RCC2: variants seen among roughly 807,000 people sequenced by gnomAD.
RCC2 encodes the protein regulator of chromosome condensation 2, also known as protein RCC2.
RCC2 carries 19 observed loss-of-function variants against 64.1 expected under a neutral mutation model. The ratio of observed to expected loss-of-function variants is 0.30; its 90% CI spans 0.21 to 0.44. The LOEUF (loss-of-function observed/expected upper bound fraction) is 0.44. Among genes scored for constraint, RCC2 ranks in the 20% least tolerant of loss-of-function variants. The probability of loss-of-function intolerance (pLI) is 1.00; values close to 1 mark genes in which losing one functional copy is unlikely to be tolerated. For missense variants in RCC2, 508 were observed against 710.4 expected (o/e 0.72, Z 3.24); for synonymous variants, 325 against 279.6 (o/e 1.16, Z -1.62).
At chr1:17,416,406 G>A (rs529598397) in intron 8 of RCC2, 74 bp downstream of exon 8, 43 of 1,492,818 alleles carry the variant, frequency 2.9e-5, no homozygotes, top group African/African-American at 1.8e-4. Context: ...AAAGCCAAGC[G>A]TCAGGAAACT....
chr1:17,417,554 G>A (rs2075501556), intron 7 of RCC2, among the ~76,000 whole-genome samples: 1 of 152,142 alleles, frequency 6.6e-6, no homozygotes, highest in African/African-American at 2.4e-5. Context: ...GTGGTGGTGG[G>A]TGCCTATAGT....
chr1:17,414,529 C>CA (rs58627304), intron 8 of RCC2, among the ~76,000 whole-genome samples: 2,293 of 34,464 alleles, frequency 0.067, 52 homozygotes, highest in South Asian at 0.15. Context: ...GACTCCATCT[C>CA]AAAAAAAAAA....
At chr1:17,437,694 G>A (rs2075751795) in intron 2 of RCC2, among the ~76,000 whole-genome samples, 2 of 1,146 alleles carry the variant, frequency 1.7e-3, no homozygotes, top group Admixed American at 0.01. Flanking sequence ...CGGCCGTCAG[G>A]CCCCGCCCCC....
Position 17,420,807 on chromosome 1 carries a change from T to C in RCC2, c.766A>G (p.Ile256Val), listed in dbSNP as rs748353564. The C allele has an allele frequency of 3.7e-6, 6 of 1,608,592 alleles. No homozygotes were observed. The highest frequency in any genetic ancestry group is 2.7e-5 in the African/African-American group (2 of 74,556). The part of the protein sequence containing the change: ...PAQIMYNGQP[I>V]TKMACGAEFS... Reference sequence around the variant, plus strand: ...TCAGCCCCACAGGCCATTTTGGTAATTGGCTGGCCGTTGTACATTATCTGA... The same window carrying C: ...TCAGCCCCACAGGCCATTTTGGTAACTGGCTGGCCGTTGTACATTATCTGA... Residue 256 changes from isoleucine (I) to valine (V), a missense_variant, in exon 7 of 13, where the codon ATT (isoleucine) becomes GTT (valine). Ile to Val is a conservative substitution (Grantham distance 29). Around this residue, in one of 4 missense-constraint regions of RCC2, gnomAD observed 132 missense variants for 207.3 expected, o/e 0.64. Transcript: ENST00000375436.
rs554058168 is a variant in RCC2, at chr1:17,416,588, T to C, written c.918A>G (p.Glu306=). ...AGATGGCCACTCGCCGGGGAACTAG[T>C]TCACAGTCGTACTCTATCCGCTGTG... The part of the protein sequence containing the change: ...ARAQRIEYDC[E]LVPRRVAIFI... The change falls in exon 8 of 13, where the codon GAA becomes GAG. Residue 306 remains glutamate, a synonymous_variant. Transcript: ENST00000375436. 99 of 1,614,046 alleles carry C rather than the reference T, an allele frequency of 6.1e-5. 1 individual carries two copies. Among genetic ancestry groups the C allele is most frequent in the Admixed American group, 2.3e-4 (14 of 60,016 alleles).
chr1:17,413,280 T>A, intron 9 of RCC2, 102 bp from the exon 10 acceptor site: 1 of 950,050 alleles, frequency 1.1e-6, no homozygotes, highest in Non-Finnish European at 1.7e-6. Context: ...GGCAAACAAG[T>A]GTTCTGTCTA....
rs1268663813 is a variant in RCC2, at chr1:17,408,640, C to A, written c.*450G>T. The stretch of plus-strand genomic sequence containing the variant: ...TGGATGGAGGCGGGCCGGTGACTGC[C>A]TAGCTGCTGCCGGTTCCTGTAAGGG... On this transcript the variant is annotated 3_prime_UTR_variant, in exon 13 of 13. Transcript: ENST00000375436. 1 of 162,592 alleles carries A rather than the reference C, an allele frequency of 6.2e-6. No homozygotes were observed. The highest frequency in any genetic ancestry group is 1.7e-4 in the South Asian group (1 of 5,872). 10.1% of individuals were successfully genotyped at this position (162,592 alleles called of 1,614,324 possible). A position where few individuals can be genotyped will look rare whatever the true frequency, so the allele number is the denominator to read the frequency against.
chr1:17,432,983 GA>G (rs892256844), intron 2 of RCC2, among the ~76,000 whole-genome samples: 1 of 150,016 alleles, frequency 6.7e-6, no homozygotes, highest in Non-Finnish European at 1.5e-5. Flanking sequence ...AAAAGAAAAA[GA>G]AAAAAATATA....
chr1:17,438,729 G>C (rs1270319774), intron 1 of RCC2, among the ~76,000 whole-genome samples: 1 of 152,024 alleles, frequency 6.6e-6, no homozygotes, highest in Non-Finnish European at 1.5e-5. Flanking sequence ...GAATCCCGCA[G>C]GGCAGCCGGG....
At position 17,412,172 on chromosome 1, in the gene RCC2, C is replaced by T; in HGVS notation, c.1336G>A (p.Ala446Thr). The T allele has an allele frequency of 1.2e-6, 2 of 1,614,094 alleles. No individual in the cohort carries two copies. The highest frequency in any genetic ancestry group is 1.1e-5 in the South Asian group (1 of 91,054). Reference protein sequence around the residue: ...ACGKSSIIVAADESTISWGPS... With the variant: ...ACGKSSIIVATDESTISWGPS... ...CCCCAGCTGATGGTGCTCTCATCGG[C>T]GGCCACAATGATGCTGCTCTTCCTG... The change falls in exon 11 of 13, where the codon GCC becomes ACC. Residue 446 changes from alanine (A) to threonine (T), a missense_variant. Physicochemically the swap from Ala to Thr is moderately conservative, Grantham distance 58. This residue lies in a region of RCC2 where 179 missense variants were observed against 322.0 expected (regional missense o/e 0.56). Transcript: ENST00000375436.
intron 8 of RCC2, among the ~76,000 whole-genome samples, chr1:17,414,277 C>A (rs561958926): frequency 6.6e-6 from 1 of 152,208 alleles, no homozygotes; most frequent in South Asian, 2.1e-4. Flanking sequence ...TGCCTGTAAT[C>A]CTAGCACGTT....
intron 2 of RCC2, among the ~76,000 whole-genome samples, chr1:17,429,495 G>GCC (rs1424447263): frequency 6.6e-6 from 1 of 151,974 alleles, no homozygotes; most frequent in Non-Finnish European, 1.5e-5. Flanking sequence ...CCAAATACAT[G>GCC]CCTCCTTCGC....
rs541787761 is a variant in RCC2, at chr1:17,408,885, A to T, written c.*205T>A. ...AAGTATTTTAATTCAACATTAAGGG[A>T]AAAAAAAGGACTTTGGAAAGCATAC... On this transcript the variant is annotated 3_prime_UTR_variant, in exon 13 of 13. Transcript: ENST00000375436. 8.0e-6 allele frequency: 4 copies of T among 499,542 alleles called. No individual in the cohort carries two copies. The highest frequency in any genetic ancestry group is 1.4e-5 in the Non-Finnish European group (4 of 278,768). 30.9% of individuals were successfully genotyped at this position (499,542 alleles called of 1,614,324 possible). A position where few individuals can be genotyped will look rare whatever the true frequency, so the allele number is the denominator to read the frequency against.
chr1:17,426,238 T>G (rs2075614986), intron 3 of RCC2, among the ~76,000 whole-genome samples: 1 of 151,884 alleles, frequency 6.6e-6, no homozygotes, highest in Non-Finnish European at 1.5e-5. Flanking sequence ...TTCTGAGGGG[T>G]GACCCGAGTG....
chr1:17,422,363 G>A lies in RCC2; in HGVS notation c.656-72C>T, dbSNP rs954567120. ...TTTTGAACTAGATTTAGAATCAAAGGCATCAAAATAATAAAAACAGCTCAT... is the reference window on the plus strand; with the variant it reads ...TTTTGAACTAGATTTAGAATCAAAGACATCAAAATAATAAAAACAGCTCAT... On this transcript the variant is annotated intron_variant, in intron 5 of 12. Coordinates refer to ENST00000375436, the MANE Select transcript of RCC2 (RefSeq NM_018715.4). 4.4e-6 allele frequency: 6 copies of A among 1,375,200 alleles called. No homozygotes were observed. The African/African-American group carries it at 5.8e-5, about 13-fold the overall frequency. The allele number at this position is 1,375,200 out of a possible 1,614,324, so 85.2% of individuals were successfully genotyped here. A position where few individuals can be genotyped will look rare whatever the true frequency, so the allele number is the denominator to read the frequency against.
intron 11 of RCC2, among the ~76,000 whole-genome samples, chr1:17,410,389 C>T (rs374596989): frequency 6.6e-6 from 1 of 152,206 alleles, no homozygotes; most frequent in African/African-American, 2.4e-5. Context: ...ATGGCAACTG[C>T]GGCCCTTCAG....
chr1:17,427,769 C>CGGGTTG (rs1385564564), intron 3 of RCC2, among the ~76,000 whole-genome samples: 1 of 151,040 alleles, frequency 6.6e-6, no homozygotes, highest in African/African-American at 2.4e-5. Context: ...CCTGAGGAGC[C>CGGGTTG]GGGTTGGGTT....
rs747592075 is a variant in RCC2 at position 17,422,222 on chromosome 1, G to A, written c.725C>T (p.Ala242Val). ...GGTCACCTGCGCGGGGCTGGGAACAGCGTCTGTCTGGTTGCCAAGGCCCAG... is the reference window on the plus strand; with the variant it reads ...GGTCACCTGCGCGGGGCTGGGAACAACGTCTGTCTGGTTGCCAAGGCCCAG... The part of the protein sequence containing the change: ...GQLGLGNQTD[A>V]VPSPAQIMYN... Residue 242 changes from alanine (A) to valine (V), a missense_variant, in exon 6 of 13, where the codon GCT (alanine) becomes GTT (valine). Transcript: ENST00000375436. 2.5e-6 allele frequency: 4 copies of A among 1,612,284 alleles called. No homozygotes were observed. The highest frequency in any genetic ancestry group is 3.4e-6 in the Non-Finnish European group (4 of 1,179,630).
At chr1:17,433,455 G>T (rs1354960677) in intron 2 of RCC2, among the ~76,000 whole-genome samples, 4 of 152,206 alleles carry the variant, frequency 2.6e-5, no homozygotes, top group Admixed American at 6.5e-5. Context: ...TGGGTGTGTG[G>T]GTGTCTGAAG....
Sources: gnomAD v4.1 joint callset for allele counts (sites outside exome capture counted in the v4.1 genomes callset) on GRCh38, gnomAD v4.1.1 for gene constraint, gnomAD v4.1.1 regional missense constraint, MANE v1.5 for transcripts, NCBI Gene and HGNC (gene_info 2026-07-23, HGNC 2026-07-21) for gene names.